LRP1B: variants seen among roughly 807,000 people sequenced by gnomAD.
LRP1B encodes the protein LDL receptor related protein 1B.
A neutral mutation model predicts 556.6 loss-of-function variants in LRP1B; 217 were observed. That is an observed-to-expected ratio of 0.39 (90% CI 0.35 to 0.44). The LOEUF is 0.44. LRP1B is among the 20% of genes least tolerant of loss of function. The pLI, the probability that LRP1B is intolerant of heterozygous loss-of-function variation, is 1.00. For missense variants in LRP1B, 5,053 were observed against 5,620.8 expected (o/e 0.90, Z 3.23); for synonymous variants, 2,047 against 1,865.8 (o/e 1.10, Z -2.50).
intron 1 of LRP1B, among the ~76,000 whole-genome samples, chr2:142,101,066 T>C (rs948790065): frequency 6.6e-6 from 1 of 151,920 alleles, no homozygotes; most frequent in Non-Finnish European, 1.5e-5. Context: ...CCACTTGCTG[T>C]TTTTGTGAGT....
At chr2:141,221,297 A>G (rs2105276336) in intron 6 of LRP1B, among the ~76,000 whole-genome samples, 1 of 152,110 alleles carries the variant, frequency 6.6e-6, no homozygotes, top group East Asian at 1.9e-4. Context: ...ATAAAAAAAA[A>G]AAAAAAAAAA....
intron 2 of LRP1B, among the ~76,000 whole-genome samples, chr2:141,624,516 G>A (rs1186480304): frequency 6.6e-6 from 1 of 152,024 alleles, no homozygotes; most frequent in Non-Finnish European, 1.5e-5. Flanking sequence ...TGGGAAAAAA[G>A]AATATTAAAA....
At position 141,029,751 on chromosome 2, in the gene LRP1B, A is replaced by G. The variant is rs368976288; in HGVS notation, c.1790-9649T>C. Among the ~76,000 whole-genome samples the G allele has an allele frequency of 3.3e-5, 5 of 152,064 alleles. No individual in the cohort carries two copies. The East Asian group carries it at 9.7e-4, about 30-fold the overall frequency. On this transcript the variant is annotated intron_variant, in intron 11 of 90. Transcript: ENST00000389484. ...TAAACTTCCTAAGTCTCAATGTCTC[A>G]TTTTCTACTTTTGGCACCAATGCAG...
chr2:140,851,531 T>C (rs1692454806), intron 28 of LRP1B, 121 bp downstream of exon 28: 24 of 1,104,290 alleles, frequency 2.2e-5, no homozygotes, highest in Non-Finnish European at 3.0e-5. Flanking sequence ...CCACCTAAAA[T>C]ATTTTTGAAA....
intron 31 of LRP1B, among the ~76,000 whole-genome samples, chr2:140,817,118 G>A (rs955313230): frequency 2.0e-5 from 3 of 152,084 alleles, no homozygotes; most frequent in Admixed American, 6.5e-5. Flanking sequence ...CTTATGCAAA[G>A]AAATATAATT....
At chr2:141,667,567 T>C (rs949440471) in intron 2 of LRP1B, among the ~76,000 whole-genome samples, 14 of 152,202 alleles carry the variant, frequency 9.2e-5, no homozygotes, top group Non-Finnish European at 2.1e-4. Flanking sequence ...TTGTGGTAAC[T>C]GGGGTAGCAC....
chr2:142,035,198 C>A (rs1383436238), intron 1 of LRP1B, among the ~76,000 whole-genome samples: 2 of 151,590 alleles, frequency 1.3e-5, no homozygotes, highest in East Asian at 3.9e-4. Flanking sequence ...GATGCTGATG[C>A]TGAGTTGAAA....
At chr2:141,287,795 A>C (rs978651431) in intron 3 of LRP1B, among the ~76,000 whole-genome samples, 1 of 152,176 alleles carries the variant, frequency 6.6e-6, no homozygotes, top group African/African-American at 2.4e-5. Context: ...TGTGATTGTG[A>C]ATTATGCAAC....
At chr2:140,717,626 C>T (rs1368065224) in intron 35 of LRP1B, among the ~76,000 whole-genome samples, 2 of 152,082 alleles carry the variant, frequency 1.3e-5, no homozygotes, top group African/African-American at 4.8e-5. Context: ...ACCAGAAAGA[C>T]ACTGGGGAAG....
At chr2:140,761,521 T>C (rs1688922199) in intron 35 of LRP1B, among the ~76,000 whole-genome samples, 1 of 152,178 alleles carries the variant, frequency 6.6e-6, no homozygotes, top group Non-Finnish European at 1.5e-5. Context: ...CTGACTTCCA[T>C]TTTGTGAATG....
intron 2 of LRP1B, among the ~76,000 whole-genome samples, chr2:141,730,149 C>T (rs1693216173): frequency 6.6e-6 from 1 of 152,088 alleles, no homozygotes; most frequent in African/African-American, 2.4e-5. Flanking sequence ...CCAGTTTTGG[C>T]TTTCGTAGTA....
At position 140,536,605 on chromosome 2, in the gene LRP1B, A is replaced by C. The variant is rs1457083123; in HGVS notation, c.7618T>G (p.Ser2540Ala). 6.2e-7 allele frequency: 1 copy of C among 1,610,732 alleles called. No homozygotes were observed. The highest frequency in any genetic ancestry group is 8.5e-7 in the Non-Finnish European group (1 of 1,178,740). The stretch of plus-strand genomic sequence containing the variant: ...CCACAGTAGAGCAGTTTTTCATCTG[A>C]TTTATCTTTACAGTGAGGAATGCCA... ...CDGIPHCKDK[S>A]DEKLLYCENR... Residue 2540 changes from serine to alanine, a missense_variant, in exon 46 of 91, where the codon TCA (serine) becomes GCA (alanine). Around this residue, in one of 5 missense-constraint regions of LRP1B, gnomAD observed 3,619 missense variants for 3,931.9 expected, o/e 0.92. Transcript: ENST00000389484.
chr2:140,700,250 T>C lies in LRP1B; in HGVS notation c.6799A>G (p.Asn2267Asp). Residue 2267 changes from asparagine to aspartate, a missense_variant and splice_region_variant, in exon 41 of 91, where the codon AAT (asparagine) becomes GAT (aspartate). Asn to Asp is a conservative substitution (Grantham distance 23, BLOSUM62 1). Coordinates refer to ENST00000389484, the MANE Select transcript of LRP1B (RefSeq NM_018557.3). Reference sequence around the variant, plus strand: ...TTTAAAATTGAATTACTGTACTTACTTTCAACAATTACTTGTCTGTCTTCC... The same window carrying C: ...TTTAAAATTGAATTACTGTACTTACCTTCAACAATTACTTGTCTGTCTTCC... Reference protein sequence around the residue: ...NWEDRQVIVENVGSVEGLAYH... With the variant: ...NWEDRQVIVEDVGSVEGLAYH... The C allele has an allele frequency of 1.2e-6, 2 of 1,607,986 alleles. No individual in the cohort carries two copies. The highest frequency in any genetic ancestry group is 1.7e-6 in the Non-Finnish European group (2 of 1,176,356).
intron 1 of LRP1B, among the ~76,000 whole-genome samples, chr2:141,816,667 C>T (rs974564617): frequency 6.6e-6 from 1 of 152,150 alleles, no homozygotes; most frequent in African/African-American, 2.4e-5. Flanking sequence ...ATAAACTCCC[C>T]TTTATATATA....
intron 7 of LRP1B, among the ~76,000 whole-genome samples, chr2:141,138,720 C>G (rs955444169): frequency 1.3e-5 from 2 of 151,666 alleles, no homozygotes; most frequent in African/African-American, 2.4e-5. Flanking sequence ...AACATTGTGA[C>G]AGACATTAAA....
At chr2:141,078,292 C>A (rs1004741115) in intron 7 of LRP1B, among the ~76,000 whole-genome samples, 2 of 124,750 alleles carry the variant, frequency 1.6e-5, no homozygotes, top group Non-Finnish European at 3.4e-5. Context: ...TTTAGAATAT[C>A]TGTCCAGTTC....
chr2:140,243,722 T>C (rs1181628077), intron 87 of LRP1B, among the ~76,000 whole-genome samples: 5 of 151,180 alleles, frequency 3.3e-5, no homozygotes, highest in Non-Finnish European at 1.5e-5. Context: ...CTTCACTTTG[T>C]ACCACTCTCC....
chr2:140,579,822 A>G (rs1425868168), intron 43 of LRP1B, among the ~76,000 whole-genome samples: 1 of 152,212 alleles, frequency 6.6e-6, no homozygotes, highest in Non-Finnish European at 1.5e-5. Context: ...AGCCTGGGCT[A>G]CAGAGTGAGA....
At chr2:141,723,236 A>T in intron 2 of LRP1B, among the ~76,000 whole-genome samples, 1 of 149,124 alleles carries the variant, frequency 6.7e-6, no homozygotes, top group Admixed American at 6.7e-5. Context: ...GTATCTTTTC[A>T]TAGGCTTTCT....
Sources: gnomAD v4.1 joint callset for allele counts (sites outside exome capture counted in the v4.1 genomes callset) on GRCh38, gnomAD v4.1.1 for gene constraint, gnomAD v4.1.1 regional missense constraint, MANE v1.5 for transcripts, NCBI Gene and HGNC (gene_info 2026-07-23, HGNC 2026-07-21) for gene names.